POLQ: variants seen among roughly 807,000 people sequenced by gnomAD.
POLQ encodes epididymis secretory sperm binding protein.
A neutral mutation model predicts 259.2 loss-of-function variants in POLQ; 233 were observed. That is an observed-to-expected ratio of 0.90 (90% confidence interval 0.81 to 1.00). POLQ has a LOEUF of 1.00. POLQ is among the 50% of genes least tolerant of loss of function. The pLI is 0.00. For synonymous variants in POLQ, 1,025 were observed against 1,048.8 expected (o/e 0.98, Z 0.44); for missense variants, 2,871 against 3,051.6 (o/e 0.94, Z 1.39).
chr3:121,461,740 T>C (rs993982112), intron 24 of POLQ, among the ~76,000 whole-genome samples: 1 of 150,630 alleles, frequency 6.6e-6, no homozygotes, highest in African/African-American at 2.4e-5. Flanking sequence ...TGTGTAAAAA[T>C]AGGAAAAGAT....
chr3:121,539,514 A>AT lies in POLQ; in HGVS notation c.549dup (p.Leu184IlefsTer9), dbSNP rs2048474707. On this transcript the variant is annotated frameshift_variant, in exon 4 of 30. Coordinates refer to ENST00000264233, the MANE Select transcript of POLQ (RefSeq NM_199420.4). LOFTEE classifies it high-confidence loss of function. ...TCAATTGTGCAGACTGCAATATCCA[A>AT]TGAAGAGAAATGCCTTGATGGAGAG... 1 of 1,612,562 alleles carries AT rather than the reference A, an allele frequency of 6.2e-7. No homozygotes were observed. Among genetic ancestry groups the AT allele is most frequent in the Admixed American group, 1.7e-5 (1 of 60,000 alleles).
intron 4 of POLQ, 93 bp downstream of exon 4, chr3:121,539,340 A>G (rs911574237): frequency 1.0e-6 from 1 of 980,360 alleles, no homozygotes; most frequent in Non-Finnish European, 1.5e-6. Flanking sequence ...GACAATAGGA[A>G]AACAAATGGG....
At chr3:121,512,693 T>A (rs1357519009) in intron 9 of POLQ, among the ~76,000 whole-genome samples, 1 of 152,202 alleles carries the variant, frequency 6.6e-6, no homozygotes, top group Non-Finnish European at 1.5e-5. Context: ...TGTTAATCTG[T>A]CAATTTAATT....
At position 121,545,692 on chromosome 3, in the gene POLQ, G is replaced by A. The variant is rs182287205; in HGVS notation, c.163+23C>T. ...CGGCGGAGCTGCCCCCGTTGCCCGC[G>A]GCCTCCCGGGTTCCTGGAGCACCTG... On this transcript the variant is annotated intron_variant, in intron 1 of 29. Coordinates refer to ENST00000264233, the MANE Select transcript of POLQ (RefSeq NM_199420.4). 72 of 1,532,522 alleles carry A rather than the reference G, an allele frequency of 4.7e-5. No homozygotes were observed. The East Asian group carries it at 1.5e-3, about 32-fold the overall frequency. 94.9% of individuals were successfully genotyped at this position (1,532,522 alleles called of 1,614,324 possible).
intron 1 of POLQ, 82 bp downstream of exon 1, chr3:121,545,633 C>G (rs1560111782): frequency 7.4e-7 from 1 of 1,343,142 alleles, no homozygotes; most frequent in Non-Finnish European, 1.0e-6. Context: ...CGAAGCAAGT[C>G]CCGTGGGGTG....
At position 121,467,847 on chromosome 3, in the gene POLQ, T is replaced by C. The variant is rs566917799; in HGVS notation, c.6846-207A>G. On this transcript the variant is annotated intron_variant, in intron 23 of 29. Coordinates refer to ENST00000264233, the MANE Select transcript of POLQ (RefSeq NM_199420.4). ...CTTGAGCCCAGGAGTTCGGGTCTAG[T>C]TAGGGCAACAAAGTGAGACCCTTGT... 1.8e-4 allele frequency among the ~76,000 whole-genome samples: 27 copies of C among 152,146 alleles called. No homozygotes were observed. In the East Asian group the frequency reaches 5.0e-3, roughly 28 times the overall value.
intron 6 of POLQ, among the ~76,000 whole-genome samples, chr3:121,532,704 T>G (rs1479946255): frequency 1.3e-5 from 2 of 151,922 alleles, no homozygotes; most frequent in African/African-American, 4.8e-5. Context: ...CAGCTAATTT[T>G]TGTATTTTTA....
intron 24 of POLQ, among the ~76,000 whole-genome samples, chr3:121,464,057 C>T (rs145877859): frequency 2.0e-5 from 3 of 152,198 alleles, no homozygotes; most frequent in Non-Finnish European, 4.4e-5. Flanking sequence ...TTTCTTGAAA[C>T]AAAAGAACAT....
At position 121,545,747 on chromosome 3, in the gene POLQ, C is replaced by A. The variant is rs1300524845; in HGVS notation, c.131G>T (p.Gly44Val). 3 of 1,592,060 alleles carry A rather than the reference C, an allele frequency of 1.9e-6. No individual in the cohort carries two copies. In the South Asian group the frequency reaches 3.4e-5, roughly 18 times the overall value. The change falls in exon 1 of 30, where the codon GGC becomes GTC. Residue 44 changes from glycine to valine, a missense_variant. Gly to Val is a moderately radical substitution (Grantham distance 109). Transcript: ENST00000264233. Reference sequence around the variant, plus strand: ...TGCGGCCTTCAGGCAGCGACCAAGGCCGGGCGGCGGGCTCAGCACGGACCC... The same window carrying A: ...TGCGGCCTTCAGGCAGCGACCAAGGACGGGCGGCGGGCTCAGCACGGACCC... The part of the protein sequence containing the change: ...LSGSVLSPPP[G>V]LGRCLKAAAA...
At chr3:121,453,807 G>A (rs928349886) in intron 25 of POLQ, among the ~76,000 whole-genome samples, 2 of 152,186 alleles carry the variant, frequency 1.3e-5, no homozygotes, top group Non-Finnish European at 2.9e-5. Context: ...AAAACACTCT[G>A]CAGGATATAA....
rs1164084518 is a variant in POLQ at position 121,476,749 on chromosome 3, A to C, written c.6212-16T>G. On this transcript the variant is annotated splice_polypyrimidine_tract_variant and intron_variant, in intron 19 of 29. Coordinates refer to ENST00000264233, the MANE Select transcript of POLQ (RefSeq NM_199420.4). Reference sequence around the variant, plus strand: ...CGGAAAACATCTGGAAGAAAAAAGAAAATTAAAACGTTAATTCATTGGCTA... The same window carrying C: ...CGGAAAACATCTGGAAGAAAAAAGACAATTAAAACGTTAATTCATTGGCTA... 1 of 1,576,116 alleles carries C rather than the reference A, an allele frequency of 6.3e-7. No individual in the cohort carries two copies. The highest frequency in any genetic ancestry group is 8.7e-7 in the Non-Finnish European group (1 of 1,153,832).
intron 26 of POLQ, among the ~76,000 whole-genome samples, chr3:121,443,722 C>T (rs935583486): frequency 2.0e-5 from 3 of 152,070 alleles, no homozygotes; most frequent in African/African-American, 7.2e-5. Flanking sequence ...AGCAGTTGCA[C>T]AATTTGAGGT....
intron 19 of POLQ, among the ~76,000 whole-genome samples, chr3:121,481,173 TA>T (rs1420976707): frequency 6.6e-6 from 1 of 152,222 alleles, no homozygotes; most frequent in Non-Finnish European, 1.5e-5. Context: ...TAAGGGTGAA[TA>T]AAAATCCTTT....
chr3:121,545,749 G>A lies in POLQ; in HGVS notation c.129C>T (p.Pro43=), dbSNP rs774672355. 2 of 1,593,602 alleles carry A rather than the reference G, an allele frequency of 1.3e-6. No individual in the cohort carries two copies. Among genetic ancestry groups the A allele is most frequent in the Non-Finnish European group, 8.5e-7 (1 of 1,170,470 alleles). ...FLSGSVLSPP[P]GLGRCLKAAA... Reference sequence around the variant, plus strand: ...CGGCCTTCAGGCAGCGACCAAGGCCGGGCGGCGGGCTCAGCACGGACCCGG... The same window carrying A: ...CGGCCTTCAGGCAGCGACCAAGGCCAGGCGGCGGGCTCAGCACGGACCCGG... Residue 43 remains proline (P), a synonymous_variant, in exon 1 of 30, where the codon CCC becomes CCT. Transcript: ENST00000264233.
intron 18 of POLQ, 76 bp from the exon 19 acceptor site, chr3:121,481,888 A>G (rs749582757): frequency 7.2e-5 from 95 of 1,313,860 alleles, no homozygotes; most frequent in Non-Finnish European, 9.5e-5. Flanking sequence ...GAAAAGGGAA[A>G]AAAACAAAGC....
At position 121,544,879 on chromosome 3, in the gene POLQ, T is replaced by C; in HGVS notation, c.191A>G (p.Tyr64Cys). Residue 64 changes from tyrosine (Y) to cysteine (C), a missense_variant, in exon 2 of 30, where the codon TAC (tyrosine) becomes TGC (cysteine). Physicochemically the swap from Tyr to Cys is radical, Grantham distance 194. This residue lies in a region of POLQ where 783 missense variants were observed against 906.2 expected (regional missense o/e 0.86). Transcript: ENST00000264233. ...TGCCAATAGTAGCTTGTCTCTTTCG[T>C]AGTCAGGAACTGTAGGCTTGCATTC... Reference protein sequence around the residue: ...AGECKPTVPDYERDKLLLANW... With the variant: ...AGECKPTVPDCERDKLLLANW... 6.2e-7 allele frequency: 1 copy of C among 1,609,208 alleles called. No homozygotes were observed. Among genetic ancestry groups the C allele is most frequent in the Non-Finnish European group, 8.5e-7 (1 of 1,176,068 alleles).
chr3:121,474,366 AAG>A (rs1489187423), intron 20 of POLQ, among the ~76,000 whole-genome samples: 1 of 152,178 alleles, frequency 6.6e-6, no homozygotes, highest in African/African-American at 2.4e-5. Context: ...GCACCCACTG[AAG>A]ACACCAGAAC....
Position 121,507,496 on chromosome 3 carries a change from G to A in POLQ, c.1959+2065C>T, listed in dbSNP as rs531808063. On this transcript the variant is annotated intron_variant, in intron 12 of 29. Transcript: ENST00000264233. ...AATCCCAGCACTTTGGGAGGCCGAGGAGGGTGGATCACTTGAGGTCAGGAC... is the reference window on the plus strand; with the variant it reads ...AATCCCAGCACTTTGGGAGGCCGAGAAGGGTGGATCACTTGAGGTCAGGAC... Among the ~76,000 whole-genome samples the A allele has an allele frequency of 4.1e-4, 62 of 152,154 alleles. 1 individual carries two copies. The highest frequency in any genetic ancestry group is 1.4e-3 in the African/African-American group (57 of 41,550).
At chr3:121,468,646 CACT>C (rs1312339401) in intron 22 of POLQ, among the ~76,000 whole-genome samples, 1 of 152,130 alleles carries the variant, frequency 6.6e-6, no homozygotes, top group Non-Finnish European at 1.5e-5. Context: ...GAATTGGCTA[CACT>C]ACTATGTTTT....
Sources: gnomAD v4.1 joint callset for allele counts (sites outside exome capture counted in the v4.1 genomes callset) on GRCh38, gnomAD v4.1.1 for gene constraint, gnomAD v4.1.1 regional missense constraint, MANE v1.5 for transcripts, NCBI Gene and HGNC (gene_info 2026-07-23, HGNC 2026-07-21) for gene names.